Variants in GRID2 observed in about 807,000 individuals in gnomAD.
The protein encoded by GRID2 is glutamate receptor ionotropic, delta-2.
A neutral mutation model predicts 114.8 loss-of-function variants in GRID2; 33 were observed. The observed-to-expected ratio is 0.29, with a 90% CI of 0.22 to 0.38. GRID2 has a LOEUF of 0.38. Ranked by LOEUF, GRID2 falls within the 10% of genes least tolerant of loss-of-function variation. GRID2 has a pLI of 1.00. For missense variants in GRID2, 1,184 were observed against 1,257.7 expected (o/e 0.94, Z 0.89); for synonymous variants, 505 against 449.9 (o/e 1.12, Z -1.55).
chr4:93,239,355 A>G lies in GRID2; in HGVS notation c.1245+865A>G, dbSNP rs762899986. On this transcript the variant is annotated intron_variant, in intron 8 of 15. Coordinates refer to ENST00000282020, the MANE Select transcript of GRID2 (RefSeq NM_001510.4). ...TATCTATCTATCTATGTATCTGTCTATCTATCTATCTATCTATATTTGGTA... is the reference window on the plus strand; with the variant it reads ...TATCTATCTATCTATGTATCTGTCTGTCTATCTATCTATCTATATTTGGTA... 2.1e-5 allele frequency among the ~76,000 whole-genome samples: 3 copies of G among 141,408 alleles called. No homozygotes were observed. In the Admixed American group the frequency reaches 2.3e-4, roughly 11 times the overall value. 92.8% of individuals were successfully genotyped at this position (141,408 alleles called of 152,430 possible).
intron 8 of GRID2, among the ~76,000 whole-genome samples, chr4:93,324,042 T>C (rs545654221): frequency 1.9e-3 from 289 of 152,240 alleles, no homozygotes; most frequent in African/African-American, 6.4e-3. Context: ...CCTGTATTTC[T>C]TTCTCCTGCC....
At chr4:93,524,474 C>T (rs1024744357) in intron 13 of GRID2, among the ~76,000 whole-genome samples, 2 of 151,856 alleles carry the variant, frequency 1.3e-5, no homozygotes, top group African/African-American at 4.8e-5. Context: ...TTCCAGCAGC[C>T]GTGCTAATGC....
chr4:92,347,875 A>G (rs1280968298), intron 1 of GRID2, among the ~76,000 whole-genome samples: 1 of 152,160 alleles, frequency 6.6e-6, no homozygotes, highest in African/African-American at 2.4e-5. Flanking sequence ...AATATTACGT[A>G]ATTGTAATAT....
chr4:93,270,193 A>ATC (rs1032461934), intron 8 of GRID2, among the ~76,000 whole-genome samples: 1 of 140,062 alleles, frequency 7.1e-6, no homozygotes, highest in African/African-American at 2.8e-5. Context: ...CTTCAATATA[A>ATC]TCTCTCTCTC....
At chr4:92,595,519 A>C (rs994378612) in intron 2 of GRID2, among the ~76,000 whole-genome samples, 4 of 152,052 alleles carry the variant, frequency 2.6e-5, no homozygotes, top group South Asian at 2.1e-4. Flanking sequence ...ACTTCTTTGC[A>C]TATCTTAACA....
intron 13 of GRID2, among the ~76,000 whole-genome samples, chr4:93,524,551 T>C (rs1730641916): frequency 2.0e-5 from 3 of 151,928 alleles, no homozygotes; most frequent in Non-Finnish European, 4.4e-5. Flanking sequence ...TTAACAATCC[T>C]CATGGATATT....
At chr4:92,962,742 C>G (rs1433807090) in intron 2 of GRID2, among the ~76,000 whole-genome samples, 2 of 151,974 alleles carry the variant, frequency 1.3e-5, no homozygotes, top group Non-Finnish European at 2.9e-5. Flanking sequence ...GGGCACCCGC[C>G]TATGACTAGA....
intron 7 of GRID2, among the ~76,000 whole-genome samples, chr4:93,227,154 A>G (rs927789829): frequency 2.6e-5 from 4 of 152,118 alleles, no homozygotes; most frequent in African/African-American, 7.2e-5. Context: ...GTCCTGATAA[A>G]TAGCACATCG....
chr4:92,767,739 T>A (rs1738335374), intron 2 of GRID2, among the ~76,000 whole-genome samples: 1 of 151,736 alleles, frequency 6.6e-6, no homozygotes, highest in Non-Finnish European at 1.5e-5. Flanking sequence ...CGACAGAGAC[T>A]ATGTATAAAA....
At chr4:93,124,819 A>G (rs1734124893) in intron 4 of GRID2, among the ~76,000 whole-genome samples, 1 of 152,130 alleles carries the variant, frequency 6.6e-6, no homozygotes. Context: ...GCTTTTCCTA[A>G]CAAAACCCAT....
At chr4:92,408,318 C>A (rs1731122586) in intron 1 of GRID2, among the ~76,000 whole-genome samples, 1 of 151,742 alleles carries the variant, frequency 6.6e-6, no homozygotes, top group Non-Finnish European at 1.5e-5. Context: ...TGTTTTTATA[C>A]CATACCATGC....
intron 1 of GRID2, among the ~76,000 whole-genome samples, chr4:92,473,420 G>A (rs1712848730): frequency 6.6e-6 from 1 of 151,846 alleles, no homozygotes; most frequent in Admixed American, 6.6e-5. Context: ...TATGTTTTCT[G>A]ACTTAGTGCA....
Position 93,471,732 on chromosome 4 carries a change from C to CTTTTT in GRID2, c.1858+15759_1858+15760insTTTTT, listed in dbSNP as rs1231563139. On this transcript the variant is annotated intron_variant, in intron 11 of 15. Transcript: ENST00000282020. ...TTTTTTTTTGGAGACGGAGTTTTTG[C>CTTTTT]TCTTGTTGCCCAGGCTGGAGTGCAA... Among the ~76,000 whole-genome samples the CTTTTT allele has an allele frequency of 2.8e-4, 7 of 24,702 alleles. No individual in the cohort carries two copies. The South Asian group carries it at 4.4e-3, about 15-fold the overall frequency. 16.2% of individuals were successfully genotyped at this position (24,702 alleles called of 152,430 possible).
At chr4:93,647,876 T>A (rs970045762) in intron 14 of GRID2, among the ~76,000 whole-genome samples, 1 of 152,214 alleles carries the variant, frequency 6.6e-6, no homozygotes, top group South Asian at 2.1e-4. Context: ...TTATTGCACA[T>A]TTATTAAGTG....
chr4:92,349,695 A>G (rs1727965855), intron 1 of GRID2, among the ~76,000 whole-genome samples: 1 of 151,816 alleles, frequency 6.6e-6, no homozygotes, highest in Admixed American at 6.6e-5. Flanking sequence ...TATTTTTAAA[A>G]ATAGATGGTA....
At chr4:93,670,457 A>G (rs940029939) in intron 14 of GRID2, among the ~76,000 whole-genome samples, 9 of 152,216 alleles carry the variant, frequency 5.9e-5, no homozygotes, top group African/African-American at 2.2e-4. Context: ...GCCTATTCAC[A>G]TCTCATACAA....
intron 2 of GRID2, among the ~76,000 whole-genome samples, chr4:92,606,840 G>T (rs568979092): frequency 7.9e-5 from 12 of 152,052 alleles, no homozygotes; most frequent in Non-Finnish European, 1.5e-4. Flanking sequence ...TTACATCTTT[G>T]ATTGTATTAT....
chr4:92,897,389 G>A (rs1372180014), intron 2 of GRID2, among the ~76,000 whole-genome samples: 1 of 152,030 alleles, frequency 6.6e-6, no homozygotes, highest in Non-Finnish European at 1.5e-5. Context: ...ACAAAACAGT[G>A]TACTTTTAGA....
chr4:93,169,185 A>ACAC (rs1560947783), intron 4 of GRID2, among the ~76,000 whole-genome samples: 1 of 126,712 alleles, frequency 7.9e-6, no homozygotes, highest in Non-Finnish European at 1.8e-5. Flanking sequence ...CACACACACA[A>ACAC]ACTTAAAATA....
Sources: allele counts gnomAD v4.1 joint callset (sites outside exome capture counted in the v4.1 genomes callset), GRCh38; gene constraint gnomAD v4.1.1; transcripts MANE v1.5; gene names NCBI Gene and HGNC (gene_info 2026-07-23, HGNC 2026-07-21).